The following PARK7 variants were observed in gnomAD, a reference collection of about 807,000 sequenced individuals.
The protein encoded by PARK7 is Parkinson disease protein 7.
A neutral mutation model predicts 20.5 loss-of-function variants in PARK7; 14 were observed. That is an observed-to-expected ratio of 0.68 (90% CI 0.45 to 1.07). The LOEUF (loss-of-function observed/expected upper bound fraction) is 1.07. PARK7 is among the 50% of genes least tolerant of loss of function. PARK7 has a pLI of 0.00. For synonymous variants in PARK7, 98 were observed against 84.3 expected (o/e 1.16, Z -0.89); for missense variants, 234 against 238.1 (o/e 0.98, Z 0.11).
At chr1:7,972,387 G>A (rs1640484554) in intron 5 of PARK7, among the ~76,000 whole-genome samples, 1 of 152,192 alleles carries the variant, frequency 6.6e-6, no homozygotes, top group Admixed American at 6.5e-5. Context: ...AGGATCGCTT[G>A]AAGGCAAGAG....
At position 7,979,786 on chromosome 1, in the gene PARK7, G is replaced by A. The variant is rs527737954; in HGVS notation, c.409+2048G>A. On this transcript the variant is annotated intron_variant, in intron 6 of 6. Transcript: ENST00000338639. ...CAAAGTACTAGGATTACAGATGTGA[G>A]CCACTGTGCCCCGCTCATGGTTTTA... 2.7e-4 allele frequency among the ~76,000 whole-genome samples: 41 copies of A among 152,300 alleles called. 1 individual carries two copies. The South Asian group carries it at 8.3e-3, about 31-fold the overall frequency.
intron 5 of PARK7, among the ~76,000 whole-genome samples, chr1:7,974,178 C>G (rs531321933): frequency 4.3e-4 from 63 of 146,906 alleles, no homozygotes; most frequent in African/African-American, 1.5e-3. Context: ...AAAAATCAGC[C>G]TGGTGTGGTG....
At chr1:7,965,463 C>T in intron 3 of PARK7, 38 bp downstream of exon 3, 1 of 1,549,374 alleles carries the variant, frequency 6.5e-7, no homozygotes, top group Non-Finnish European at 8.9e-7. Flanking sequence ...CTTCATATGG[C>T]TTCTTTGTTT....
At chr1:7,975,518 A>G (rs953881249) in intron 5 of PARK7, among the ~76,000 whole-genome samples, 1 of 152,234 alleles carries the variant, frequency 6.6e-6, no homozygotes, top group East Asian at 1.9e-4. Context: ...TGCAGAGTAC[A>G]GAGCGTTTTC....
intron 5 of PARK7, among the ~76,000 whole-genome samples, chr1:7,973,095 C>T (rs116458427): frequency 0.022 from 3,351 of 152,208 alleles, 53 homozygotes; most frequent in Non-Finnish European, 0.036. Flanking sequence ...TAGATATAAC[C>T]CACATAAAAG....
At chr1:7,966,548 A>G (rs948849732) in intron 3 of PARK7, among the ~76,000 whole-genome samples, 1 of 151,832 alleles carries the variant, frequency 6.6e-6, no homozygotes, top group Admixed American at 6.6e-5. Flanking sequence ...AAAAATTTGT[A>G]AAAGCCAGGT....
chr1:7,984,757 G>A lies in PARK7; in HGVS notation c.410-137G>A. On this transcript the variant is annotated intron_variant, in intron 6 of 6. Coordinates refer to ENST00000338639, the MANE Select transcript of PARK7 (RefSeq NM_007262.5). The surrounding 1 kb of genome is among the most constrained non-coding windows in gnomAD (Gnocchi z 4.3). ...TGTAGGGGGCTTCTAAGAGCTTGGA[G>A]TGCCTAGTAAATGTTTTTGAATGGT... 9.7e-7 allele frequency: 1 copy of A among 1,030,340 alleles called. No homozygotes were observed. The allele number at this position is 1,030,340 out of a possible 1,614,324, so 63.8% of individuals were successfully genotyped here. A position where few individuals can be genotyped will look rare whatever the true frequency, so the allele number is the denominator to read the frequency against.
chr1:7,969,449 G>C (rs2640906), intron 4 of PARK7, 45 bp downstream of exon 4: 51 of 780,312 alleles, frequency 6.5e-5, no homozygotes, highest in Middle Eastern at 5.5e-4. Context: ...CTGGGGGGGG[G>C]GAAAAACTAA....
At chr1:7,982,559 G>C (rs896774227) in intron 6 of PARK7, among the ~76,000 whole-genome samples, 9 of 152,016 alleles carry the variant, frequency 5.9e-5, no homozygotes, top group African/African-American at 1.9e-4. Context: ...GAACCTTTAA[G>C]CATATTTAAC....
rs542231005 is a variant in PARK7, at chr1:7,985,437, A to G, written c.*383A>G. 5.8e-4 allele frequency: 172 copies of G among 298,438 alleles called. 1 individual carries two copies. Among genetic ancestry groups the G allele is most frequent in the African/African-American group, 3.7e-3 (168 of 45,822 alleles). 18.5% of individuals were successfully genotyped at this position (298,438 alleles called of 1,614,324 possible). On this transcript the variant is annotated 3_prime_UTR_variant, in exon 7 of 7. Transcript: ENST00000338639. ...AGGAAAGGCATACAAACAGAATTTAAGAGGCTTGTGATTTTCTCTGCTTAT... is the reference window on the plus strand; with the variant it reads ...AGGAAAGGCATACAAACAGAATTTAGGAGGCTTGTGATTTTCTCTGCTTAT...
chr1:7,978,814 T>G (rs890362459), intron 6 of PARK7, among the ~76,000 whole-genome samples: 1 of 136,502 alleles, frequency 7.3e-6, no homozygotes, highest in Admixed American at 8.0e-5. Flanking sequence ...GCCACTGAAC[T>G]CCAGCCTGGA....
At chr1:7,972,759 C>G (rs1410360186) in intron 5 of PARK7, among the ~76,000 whole-genome samples, 1 of 152,102 alleles carries the variant, frequency 6.6e-6, no homozygotes, top group African/African-American at 2.4e-5. Context: ...CAAAAGTTAG[C>G]TGGGCATGGT....
intron 6 of PARK7, among the ~76,000 whole-genome samples, chr1:7,981,616 C>T (rs1017239451): frequency 1.3e-5 from 2 of 151,668 alleles, no homozygotes; most frequent in Admixed American, 6.6e-5. Context: ...AACCTGGCCT[C>T]GGCCCTCAGG....
intron 6 of PARK7, among the ~76,000 whole-genome samples, chr1:7,981,297 C>T (rs777411368): frequency 3.3e-5 from 5 of 152,192 alleles, no homozygotes; most frequent in South Asian, 2.1e-4. Context: ...GCTTCTGTAA[C>T]GCCACTGCAT....
chr1:7,980,355 AG>A (rs1004131432), intron 6 of PARK7, among the ~76,000 whole-genome samples: 3 of 152,136 alleles, frequency 2.0e-5, no homozygotes, highest in Admixed American at 2.0e-4. Context: ...CACTACCTGA[AG>A]GTGTGCCTGT....
intron 2 of PARK7, among the ~76,000 whole-genome samples, 183 bp downstream of exon 2, chr1:7,963,058 C>T (rs1243759284): frequency 1.3e-5 from 2 of 152,104 alleles, no homozygotes; most frequent in African/African-American, 4.8e-5. Context: ...TAATGTCTTG[C>T]CATATTTCCT....
At position 7,984,034 on chromosome 1, in the gene PARK7, TG is replaced by T. The variant is rs1411106760; in HGVS notation, c.410-855del. ...AATAGAGGTACCTAATTTGGGGAGGTGGGGGTGGTCACAGATACCCTCTCTG... is the reference window on the plus strand; with the variant it reads ...AATAGAGGTACCTAATTTGGGGAGGTGGGGTGGTCACAGATACCCTCTCTG... On this transcript the variant is annotated intron_variant, in intron 6 of 6. Coordinates refer to ENST00000338639, the MANE Select transcript of PARK7 (RefSeq NM_007262.5). The surrounding 1 kb of genome is among the most constrained non-coding windows in gnomAD (Gnocchi z 4.3). Among the ~76,000 whole-genome samples the T allele has an allele frequency of 6.6e-6, 1 of 150,994 alleles. No individual in the cohort carries two copies. Among genetic ancestry groups the T allele is most frequent in the Non-Finnish European group, 1.5e-5 (1 of 67,740 alleles).
chr1:7,970,073 T>C (rs1640431728), intron 4 of PARK7, among the ~76,000 whole-genome samples: 1 of 152,026 alleles, frequency 6.6e-6, no homozygotes, highest in Non-Finnish European at 1.5e-5. Flanking sequence ...TGCACACTTG[T>C]AGTCCCAGCT....
intron 5 of PARK7, among the ~76,000 whole-genome samples, chr1:7,972,566 C>T (rs1274249253): frequency 6.6e-6 from 1 of 152,018 alleles, no homozygotes; most frequent in Non-Finnish European, 1.5e-5. Flanking sequence ...TAAAAATTTC[C>T]CAGTTTTATT....
Sources: allele counts gnomAD v4.1 joint callset (sites outside exome capture counted in the v4.1 genomes callset), GRCh38; gene constraint gnomAD v4.1.1; non-coding constraint Gnocchi (gnomAD v3.1); transcripts MANE v1.5; gene names NCBI Gene and HGNC (gene_info 2026-07-23, HGNC 2026-07-21).